The following DEFB109B variants were observed in gnomAD, a reference collection of about 807,000 sequenced individuals.
The protein encoded by DEFB109B is beta-defensin 109B.
At chr8:7,309,584 T>C (rs1802493699), upstream of DEFB109B, among the ~76,000 whole-genome samples, 1 of 147,836 alleles carries the variant, frequency 6.8e-6, no homozygotes, top group African/African-American at 2.7e-5. Context: ...GATATGACCC[T>C]GCAACAGAGC....
At chr8:7,316,018 G>C (rs1012182705) in intron 1 of DEFB109B, among the ~76,000 whole-genome samples, 2 of 39,124 alleles carry the variant, frequency 5.1e-5, no homozygotes, top group Non-Finnish European at 8.4e-5. Flanking sequence ...TCTGAGATCA[G>C]CTTTTGGGTT....
upstream of DEFB109B, among the ~76,000 whole-genome samples, chr8:7,309,715 C>T (rs1164857129): frequency 6.9e-6 from 1 of 144,266 alleles, no homozygotes; most frequent in African/African-American, 2.9e-5. Flanking sequence ...ATCAGGCATC[C>T]TAAGTAGATC....
At chr8:7,319,910 A>G (rs1803210886) in exon 2 of DEFB109B, 1 of 75,442 alleles carries the variant, frequency 1.3e-5, no homozygotes, top group African/African-American at 8.2e-5. Context: ...ACCACTTATC[A>G]TGTCAGATTA....
intron 1 of DEFB109B, chr8:7,318,641 C>G (rs1173004207): frequency 7.6e-6 from 1 of 131,150 alleles, no homozygotes; most frequent in Non-Finnish European, 1.5e-5. Context: ...GATGACAACT[C>G]TTAATGCAGA....
intron 1 of DEFB109B, among the ~76,000 whole-genome samples, chr8:7,313,270 G>A (rs1370693052): frequency 6.8e-6 from 1 of 146,112 alleles, no homozygotes; most frequent in Non-Finnish European, 1.5e-5. Context: ...TTATATGCAG[G>A]CAGTTAGATC....
In DEFB109B at chr8:7,319,248, AAAGAG is replaced by A. The variant is rs1426077602; in HGVS notation, n.59-496_59-492del. The stretch of plus-strand genomic sequence containing the variant: ...CAGTGAAGCCAACAAAAAAAAAAAA[AAAGAG>A]AGAGAGAGAGAGAGAGTGAAAGAAA... On this transcript the variant is annotated intron_variant and non_coding_transcript_variant, in intron 1 of 1. Coordinates refer to ENST00000382656, the Ensembl canonical transcript of DEFB109B. 7 of 135,188 alleles carry A rather than the reference AAAGAG, an allele frequency of 5.2e-5. No individual in the cohort carries two copies. The East Asian group carries it at 5.9e-4, about 11-fold the overall frequency. 8.4% of individuals were successfully genotyped at this position (135,188 alleles called of 1,614,324 possible).
chr8:7,310,672 T>A (rs1365355050), upstream of DEFB109B, among the ~76,000 whole-genome samples: 13 of 147,062 alleles, frequency 8.8e-5, no homozygotes, highest in Non-Finnish European at 1.8e-4. Flanking sequence ...GGTTTGGGGC[T>A]GATCTGAAAC....
chr8:7,312,256 A>G (rs1447170151), upstream of DEFB109B, among the ~76,000 whole-genome samples: 4 of 137,512 alleles, frequency 2.9e-5, no homozygotes, highest in Non-Finnish European at 5.9e-5. Context: ...AATTACAGAG[A>G]TAGGCTCCAA....
At chr8:7,315,317 C>T (rs547722249) in intron 1 of DEFB109B, among the ~76,000 whole-genome samples, 3 of 133,938 alleles carry the variant, frequency 2.2e-5, no homozygotes, top group Admixed American at 6.9e-5. Context: ...GTGGCTAACA[C>T]GGTGAAACCC....
upstream of DEFB109B, among the ~76,000 whole-genome samples, chr8:7,310,581 CTGTG>C (rs373636252): frequency 9.1e-5 from 12 of 131,986 alleles, no homozygotes; most frequent in East Asian, 1.2e-3. Flanking sequence ...TTAGGTAATA[CTGTG>C]TGTGTGTGTG....
At chr8:7,310,390 AT>A (rs1802549552), upstream of DEFB109B, among the ~76,000 whole-genome samples, 2 of 75,274 alleles carry the variant, frequency 2.7e-5, no homozygotes, top group Non-Finnish European at 4.5e-5. Context: ...TTTGTATGAG[AT>A]AAATAGCACA....
chr8:7,313,635 C>G (rs1450066247), intron 1 of DEFB109B, among the ~76,000 whole-genome samples: 1 of 145,530 alleles, frequency 6.9e-6, no homozygotes, highest in Non-Finnish European at 1.5e-5. Context: ...GGTAACATAA[C>G]TTTCAATACA....
rs528799779 is a variant in DEFB109B at position 7,316,739 on chromosome 8, GC to G, written n.59-3005del. 3.8e-3 allele frequency among the ~76,000 whole-genome samples: 544 copies of G among 143,074 alleles called. 26 individuals are homozygous for G. The highest frequency in any genetic ancestry group is 0.015 in the African/African-American group (504 of 33,208). The allele number at this position is 143,074 out of a possible 152,430, so 93.9% of individuals were successfully genotyped here. On this transcript the variant is annotated intron_variant and non_coding_transcript_variant, in intron 1 of 1. Coordinates refer to ENST00000382656, the Ensembl canonical transcript of DEFB109B. ...CCTCCTGGGTTCAAGTGATTCTCCT[GC>G]CTCAGCCTCCTGAGTAGCTGGGACT...
chr8:7,313,585 G>C (rs1435586224), intron 1 of DEFB109B, among the ~76,000 whole-genome samples: 1 of 144,410 alleles, frequency 6.9e-6, no homozygotes, highest in South Asian at 2.1e-4. Flanking sequence ...ACACCAACAA[G>C]TGCTGCTCAA....
chr8:7,319,459 G>A (rs1288584090), intron 1 of DEFB109B: 6 of 140,232 alleles, frequency 4.3e-5, no homozygotes, highest in Non-Finnish European at 8.9e-5. Context: ...TGCCACTGGA[G>A]TAAGCAACAT....
upstream of DEFB109B, among the ~76,000 whole-genome samples, chr8:7,310,420 CA>C (rs1358095460): frequency 1.2e-5 from 1 of 86,344 alleles, no homozygotes; most frequent in Admixed American, 1.2e-4. Context: ...AAAAAAAAGC[CA>C]AAAGATACAC....
At chr8:7,318,841 A>G (rs1327561999) in intron 1 of DEFB109B, 6 of 145,932 alleles carry the variant, frequency 4.1e-5, no homozygotes, top group Non-Finnish European at 2.9e-5. Context: ...TGGTCTGAAT[A>G]CAATAATAAA....
At chr8:7,319,372 G>A (rs1474345996) in intron 1 of DEFB109B, 2 of 145,708 alleles carry the variant, frequency 1.4e-5, no homozygotes, top group African/African-American at 2.8e-5. Flanking sequence ...AGCAGAAAGG[G>A]ACTATCTGTA....
At position 7,319,305 on chromosome 8, in the gene DEFB109B, G is replaced by A. The variant is rs1232376237; in HGVS notation, n.59-441G>A. The A allele has an allele frequency of 2.6e-4, 37 of 142,692 alleles. 1 individual carries two copies. Among genetic ancestry groups the A allele is most frequent in the African/African-American group, 1.1e-3 (37 of 33,192 alleles). 8.8% of individuals were successfully genotyped at this position (142,692 alleles called of 1,614,324 possible). ...AAAAAATAGCCATATAGAAAAAACA[G>A]CTGCTGAAATCAGCATACCTGAGAT... On this transcript the variant is annotated intron_variant and non_coding_transcript_variant, in intron 1 of 1. Coordinates refer to ENST00000382656, the Ensembl canonical transcript of DEFB109B.
Sources: gnomAD v4.1 joint callset for allele counts (sites outside exome capture counted in the v4.1 genomes callset) on GRCh38, gnomAD v4.1.1 for gene constraint, MANE v1.5 for transcripts, NCBI Gene and HGNC (gene_info 2026-07-23, HGNC 2026-07-21) for gene names.